The following TAB2 variants were observed in gnomAD, a reference collection of about 807,000 sequenced individuals.
TAB2 encodes the protein TGF-beta-activated kinase 1 and MAP3K7-binding protein 2.
A neutral mutation model predicts 65.0 loss-of-function variants in TAB2; 3 were observed. The ratio of observed to expected loss-of-function variants is 0.05; its 90% CI spans 0.02 to 0.12. The LOEUF (loss-of-function observed/expected upper bound fraction) is 0.12, where lower values mean the gene tolerates loss of function less well. Among genes scored for constraint, TAB2 ranks in the 10% least tolerant of loss-of-function variants. The probability of loss-of-function intolerance (pLI) is 1.00; values close to 1 mark genes in which losing one functional copy is unlikely to be tolerated. For missense variants in TAB2, 623 were observed against 840.3 expected, an observed-to-expected ratio of 0.74 and a Z score of 3.20; for synonymous variants, 298 against 285.1, an observed-to-expected ratio of 1.05 and a Z score of -0.46.
At chr6:149,348,559 C>G (rs1780378767) in intron 1 of TAB2, among the ~76,000 whole-genome samples, 1 of 151,730 alleles carries the variant, frequency 6.6e-6, no homozygotes, top group Non-Finnish European at 1.5e-5. Context: ...GAGGCATGTT[C>G]CTAAATATCA....
intron 1 of TAB2, among the ~76,000 whole-genome samples, chr6:149,220,109 T>C (rs150910470): frequency 0.02 from 3,073 of 152,356 alleles, 36 homozygotes; most frequent in Middle Eastern, 0.034. Flanking sequence ...TCTCTAATGG[T>C]TGACTTAATA....
rs1388088214 is a variant in TAB2, at chr6:149,378,709, T to C, written c.794T>C (p.Leu265Pro). 1.2e-6 allele frequency: 2 copies of C among 1,614,098 alleles called. No homozygotes were observed. The change falls in exon 3 of 7, where the codon CTG becomes CCG. Residue 265 changes from leucine to proline, a missense_variant. By Grantham distance (98) the Leu-to-Pro change is moderately conservative. This residue lies in a region of TAB2 where 550 missense variants were observed against 665.7 expected (regional missense o/e 0.83). Coordinates refer to ENST00000637181, the MANE Select transcript of TAB2 (RefSeq NM_001292034.3). ...ACTACTTGTCCTGCATCTAATCCTC[T>C]GTCACATACCTCATCTCAACAGCCA... ...PWTTCPASNP[L>P]SHTSSQQPNQ... is the part of the protein sequence containing the mutation.
chr6:149,401,727 C>T (rs1264074661), intron 6 of TAB2, among the ~76,000 whole-genome samples: 4 of 152,076 alleles, frequency 2.6e-5, no homozygotes, highest in East Asian at 1.9e-4. Context: ...GTTCACAAAA[C>T]GAGTTTAAAC....
intron 1 of TAB2, among the ~76,000 whole-genome samples, chr6:149,320,068 T>G (rs950140841): frequency 6.6e-6 from 1 of 152,110 alleles, no homozygotes; most frequent in Admixed American, 6.6e-5. Context: ...TTTTTTAATT[T>G]TGTTTTTGTT....
intron 3 of TAB2, among the ~76,000 whole-genome samples, chr6:149,395,596 T>C (rs906444572): frequency 2.0e-5 from 3 of 152,226 alleles, no homozygotes; most frequent in African/African-American, 7.2e-5. Flanking sequence ...ATTTTTGCAC[T>C]TCCAGTGTAT....
At chr6:149,384,862 ACT>A (rs898312448) in intron 3 of TAB2, among the ~76,000 whole-genome samples, 10 of 152,272 alleles carry the variant, frequency 6.6e-5, no homozygotes, top group African/African-American at 2.4e-4. Flanking sequence ...GAAGCCAGAA[ACT>A]CTTAAAAAAA....
chr6:149,386,453 AC>A (rs148945959), intron 3 of TAB2, among the ~76,000 whole-genome samples: 35,886 of 151,328 alleles, frequency 0.24, 4,429 homozygotes, highest in Non-Finnish European at 0.26. Context: ...CTATCCCATT[AC>A]CCCCCACCCT....
intron 1 of TAB2, among the ~76,000 whole-genome samples, chr6:149,294,673 T>A (rs1441188038): frequency 6.6e-6 from 1 of 152,194 alleles, no homozygotes; most frequent in Non-Finnish European, 1.5e-5. Context: ...CAATAGCACA[T>A]CATATAATGT....
intron 1 of TAB2, among the ~76,000 whole-genome samples, chr6:149,278,866 C>G (rs1778523931): frequency 6.6e-6 from 1 of 151,980 alleles, no homozygotes; most frequent in Non-Finnish European, 1.5e-5. Flanking sequence ...ATCACTTGAG[C>G]CCAGGAGTCC....
intron 1 of TAB2, among the ~76,000 whole-genome samples, chr6:149,335,485 A>T (rs1364933180): frequency 6.6e-6 from 1 of 151,896 alleles, no homozygotes; most frequent in Admixed American, 6.6e-5. Flanking sequence ...CTCCCACCTT[A>T]GCCTCCCAAG....
intron 1 of TAB2, among the ~76,000 whole-genome samples, chr6:149,348,484 G>A (rs1159654159): frequency 2.0e-5 from 3 of 151,864 alleles, no homozygotes; most frequent in African/African-American, 4.8e-5. Flanking sequence ...TAGATAGGTC[G>A]AAACGTTCTG....
intron 1 of TAB2, among the ~76,000 whole-genome samples, chr6:149,296,906 A>G (rs1301730680): frequency 6.6e-6 from 1 of 152,200 alleles, no homozygotes; most frequent in African/African-American, 2.4e-5. Context: ...TTGTTATAAT[A>G]TCTTCTATTT....
intron 3 of TAB2, among the ~76,000 whole-genome samples, chr6:149,384,798 T>G (rs1468006854): frequency 1.3e-5 from 2 of 152,132 alleles, no homozygotes; most frequent in Non-Finnish European, 2.9e-5. Flanking sequence ...GACAAAGCAT[T>G]CCAACAAATT....
At chr6:149,387,361 A>G (rs1781838358) in intron 3 of TAB2, among the ~76,000 whole-genome samples, 2 of 152,178 alleles carry the variant, frequency 1.3e-5, no homozygotes, top group Admixed American at 1.3e-4. Flanking sequence ...CATTTGTTGA[A>G]AAGACTTTTT....
At chr6:149,322,863 A>T (rs542198908) in intron 1 of TAB2, among the ~76,000 whole-genome samples, 1 of 152,182 alleles carries the variant, frequency 6.6e-6, no homozygotes, top group Admixed American at 6.5e-5. Context: ...ATTATTAAGG[A>T]AAGTTTTTGC....
intron 3 of TAB2, among the ~76,000 whole-genome samples, chr6:149,388,779 T>C (rs2114917681): frequency 6.6e-6 from 1 of 152,260 alleles, no homozygotes; most frequent in East Asian, 1.9e-4. Flanking sequence ...AAAATGCCTA[T>C]TCTTTCTACT....
chr6:149,394,983 T>C (rs1170294361), intron 3 of TAB2, among the ~76,000 whole-genome samples: 2 of 152,274 alleles, frequency 1.3e-5, no homozygotes, highest in East Asian at 1.9e-4. Flanking sequence ...AATAAAACTT[T>C]AATGACGAAA....
intron 1 of TAB2, among the ~76,000 whole-genome samples, chr6:149,268,895 G>T (rs183838389): frequency 6.6e-6 from 1 of 152,086 alleles, no homozygotes; most frequent in African/African-American, 2.4e-5. Context: ...AGAATGAGTC[G>T]ATCTTTTTCA....
intron 1 of TAB2, among the ~76,000 whole-genome samples, chr6:149,235,303 T>G (rs997165800): frequency 6.6e-6 from 1 of 152,206 alleles, no homozygotes; most frequent in African/African-American, 2.4e-5. Flanking sequence ...GAAAACAGAA[T>G]TTTGAAGGCT....
Sources: gnomAD v4.1 joint callset for allele counts (sites outside exome capture counted in the v4.1 genomes callset) on GRCh38, gnomAD v4.1.1 for gene constraint, gnomAD v4.1.1 regional missense constraint, MANE v1.5 for transcripts, NCBI Gene and HGNC (gene_info 2026-07-23, HGNC 2026-07-21) for gene names.